Variants in PRKCE observed in about 807,000 individuals in gnomAD.
PRKCE encodes protein kinase C epsilon, also known as protein kinase C epsilon type.
Under a neutral mutation model 85.4 loss-of-function variants are expected in PRKCE, and 16 were observed. That is an observed-to-expected ratio of 0.19 (90% confidence interval 0.13 to 0.28). PRKCE has a LOEUF of 0.28. PRKCE is among the 10% of genes least tolerant of loss of function. The probability of loss-of-function intolerance (pLI) is 1.00; values close to 1 mark genes in which losing one functional copy is unlikely to be tolerated. For synonymous variants in PRKCE, 388 were observed against 371.5 expected (o/e 1.04, Z -0.51); for missense variants, 573 against 975.2 (o/e 0.59, Z 5.49).
intron 2 of PRKCE, among the ~76,000 whole-genome samples, chr2:45,919,902 A>G (rs1478169631): frequency 1.3e-5 from 2 of 152,336 alleles, no homozygotes; most frequent in Middle Eastern, 6.8e-3. Flanking sequence ...GCCAGTGTTC[A>G]CTAGGTGTGG....
chr2:46,093,819 C>A (rs2345957), intron 11 of PRKCE, among the ~76,000 whole-genome samples: 47,116 of 151,862 alleles, frequency 0.31, 7,521 homozygotes, highest in East Asian at 0.52. Flanking sequence ...ATACGCACAC[C>A]CTTCCCAACC....
intron 1 of PRKCE, among the ~76,000 whole-genome samples, chr2:45,702,898 G>C (rs1245263444): frequency 1.3e-5 from 2 of 152,152 alleles, no homozygotes; most frequent in African/African-American, 4.8e-5. Context: ...AGTTTGAAAA[G>C]AGTCATTCCA....
intron 2 of PRKCE, among the ~76,000 whole-genome samples, chr2:45,847,071 C>A (rs997299642): frequency 3.9e-5 from 6 of 152,238 alleles, no homozygotes; most frequent in Non-Finnish European, 7.3e-5. Context: ...ACAGAGTAAT[C>A]TATCTGGCAG....
At chr2:45,847,758 A>T (rs2105524858) in intron 2 of PRKCE, among the ~76,000 whole-genome samples, 1 of 152,332 alleles carries the variant, frequency 6.6e-6, no homozygotes, top group South Asian at 2.1e-4. Flanking sequence ...TTTTTATTTT[A>T]GTTCTCTTCT....
At chr2:46,164,483 G>T (rs1678123830) in intron 14 of PRKCE, among the ~76,000 whole-genome samples, 1 of 152,236 alleles carries the variant, frequency 6.6e-6, no homozygotes, top group African/African-American at 2.4e-5. Flanking sequence ...ACCTCCACTT[G>T]CTTCCAAGCC....
At chr2:45,711,646 T>C (rs1293704433) in intron 1 of PRKCE, among the ~76,000 whole-genome samples, 2 of 152,228 alleles carry the variant, frequency 1.3e-5, no homozygotes, top group African/African-American at 4.8e-5. Flanking sequence ...ATGTAATTTT[T>C]TGAGACGAGT....
intron 1 of PRKCE, chr2:45,770,638 C>G (rs1434672703): frequency 1.3e-5 from 2 of 152,228 alleles, no homozygotes; most frequent in African/African-American, 4.8e-5. Context: ...TTATGGGCAT[C>G]TTTACTTCAT....
At chr2:45,972,376 A>G (rs140708345) in intron 2 of PRKCE, among the ~76,000 whole-genome samples, 7 of 152,276 alleles carry the variant, frequency 4.6e-5, no homozygotes, top group African/African-American at 1.7e-4. Context: ...CCCTTTCTCA[A>G]ATATACAGTT....
At chr2:45,937,152 C>T (rs1033696460) in intron 2 of PRKCE, among the ~76,000 whole-genome samples, 1 of 152,146 alleles carries the variant, frequency 6.6e-6, no homozygotes, top group Non-Finnish European at 1.5e-5. Context: ...GTTTTTATTA[C>T]TCCTCTAAAA....
intron 2 of PRKCE, among the ~76,000 whole-genome samples, chr2:45,912,821 C>A (rs928537939): frequency 1.3e-5 from 2 of 152,120 alleles, no homozygotes; most frequent in Admixed American, 1.3e-4. Flanking sequence ...GGTCTGGGGC[C>A]ACATGTACAT....
intron 2 of PRKCE, among the ~76,000 whole-genome samples, chr2:45,893,323 C>T (rs1695875279): frequency 6.6e-6 from 1 of 151,450 alleles, no homozygotes; most frequent in East Asian, 1.9e-4. Flanking sequence ...TCCCACAGCA[C>T]AGCCTGGCTC....
intron 14 of PRKCE, among the ~76,000 whole-genome samples, chr2:46,176,290 A>G (rs958583146): frequency 1.3e-5 from 2 of 152,106 alleles, no homozygotes; most frequent in African/African-American, 2.4e-5. Flanking sequence ...CAGAATCCCT[A>G]GAGTGGGACG....
At chr2:46,069,129 A>C (rs779842868) in intron 10 of PRKCE, among the ~76,000 whole-genome samples, 16 of 152,218 alleles carry the variant, frequency 1.1e-4, no homozygotes, top group Non-Finnish European at 2.2e-4. Context: ...AGAATCATTG[A>C]AGATGCTTTG....
rs1705041245 is a variant in PRKCE at position 46,004,905 on chromosome 2, C to G, written c.1063+267C>G. Among the ~76,000 whole-genome samples, 1 of 152,308 alleles carries G rather than the reference C, an allele frequency of 6.6e-6. No individual in the cohort carries two copies. The highest frequency in any genetic ancestry group is 1.9e-4 in the East Asian group (1 of 5,176). ...AGCGAGTGTATGATGTTATGGTTAT[C>G]TGTTTTCCCTTGCCTCTGTCCCTGG... On this transcript the variant is annotated intron_variant, in intron 8 of 14. Coordinates refer to ENST00000306156, the MANE Select transcript of PRKCE (RefSeq NM_005400.3). The surrounding 1 kb of genome is among the most constrained non-coding windows in gnomAD (Gnocchi z 4.1).
chr2:45,809,269 T>C (rs1688479435), intron 1 of PRKCE, among the ~76,000 whole-genome samples: 3 of 152,224 alleles, frequency 2.0e-5, no homozygotes, highest in Admixed American at 6.5e-5. Context: ...GAGAAACTTG[T>C]GCTGATTTGT....
chr2:45,924,689 G>C (rs1698485938), intron 2 of PRKCE, among the ~76,000 whole-genome samples: 1 of 152,232 alleles, frequency 6.6e-6, no homozygotes, highest in Non-Finnish European at 1.5e-5. Context: ...TCTTCTTTCA[G>C]TAAGTGTTAG....
chr2:45,756,395 A>C (rs1684007968), intron 1 of PRKCE, among the ~76,000 whole-genome samples: 2 of 152,220 alleles, frequency 1.3e-5, no homozygotes, highest in Non-Finnish European at 2.9e-5. Flanking sequence ...GATGTAGAAA[A>C]AGTTTGATCG....
intron 5 of PRKCE, among the ~76,000 whole-genome samples, chr2:45,981,887 C>CT (rs1702918785): frequency 6.6e-6 from 1 of 152,192 alleles, no homozygotes; most frequent in Non-Finnish European, 1.5e-5. Context: ...CTCTTCTGCA[C>CT]TTTTTTGGAG....
At chr2:45,857,101 A>G (rs1318279395) in intron 2 of PRKCE, among the ~76,000 whole-genome samples, 3 of 152,104 alleles carry the variant, frequency 2.0e-5, no homozygotes, top group East Asian at 1.9e-4. Flanking sequence ...TGGTAGTTCT[A>G]TTTTAATTTT....
Sources: allele counts gnomAD v4.1 joint callset (sites outside exome capture counted in the v4.1 genomes callset), GRCh38; gene constraint gnomAD v4.1.1; non-coding constraint Gnocchi (gnomAD v3.1); transcripts MANE v1.5; gene names NCBI Gene and HGNC (gene_info 2026-07-23, HGNC 2026-07-21).